PDE1B: variants seen among roughly 807,000 people sequenced by gnomAD.
PDE1B encodes phosphodiesterase 1B.
A neutral mutation model predicts 66.7 loss-of-function variants in PDE1B; 13 were observed. That is an observed-to-expected ratio of 0.19 (90% CI 0.13 to 0.31). PDE1B has a LOEUF of 0.31. Ranked by LOEUF, PDE1B falls within the 10% of genes least tolerant of loss-of-function variation. The probability of loss-of-function intolerance (pLI) is 1.00; values close to 1 mark genes in which losing one functional copy is unlikely to be tolerated. For synonymous variants in PDE1B, 230 were observed against 253.9 expected (o/e 0.91, Z 0.90); for missense variants, 485 against 682.3 (o/e 0.71, Z 3.22).
At chr12:54,565,305 C>T (rs1275114654) in intron 2 of PDE1B, among the ~76,000 whole-genome samples, 1 of 152,166 alleles carries the variant, frequency 6.6e-6, no homozygotes, top group Non-Finnish European at 1.5e-5. Context: ...TTTATGTCAC[C>T]AGATTTGAGG....
chr12:54,573,352 T>C lies in PDE1B; in HGVS notation c.837-3T>C. ...GTGGTCATGATGACCTTTGGCTTTGTAGGTCAGAATGTGCCATCGTGTACA... is the reference window on the plus strand; with the variant it reads ...GTGGTCATGATGACCTTTGGCTTTGCAGGTCAGAATGTGCCATCGTGTACA... On this transcript the variant is annotated splice_polypyrimidine_tract_variant and splice_region_variant and intron_variant, in intron 8 of 15. Transcript: ENST00000243052. The surrounding 1 kb of genome is among the most constrained non-coding windows in gnomAD (Gnocchi z 5.2). 1 of 1,614,146 alleles carries C rather than the reference T, an allele frequency of 6.2e-7. No homozygotes were observed. The highest frequency in any genetic ancestry group is 1.3e-5 in the African/African-American group (1 of 75,014).
At chr12:54,577,089 G>T in intron 14 of PDE1B, 136 bp from the exon 15 acceptor site, 2 of 765,956 alleles carry the variant, frequency 2.6e-6, no homozygotes. Context: ...CTTCCCAAGT[G>T]GGGATGGGTT....
At position 54,578,328 on chromosome 12, in the gene PDE1B, T is replaced by G. The variant is rs1957803557; in HGVS notation, c.*486T>G. On this transcript the variant is annotated 3_prime_UTR_variant, in exon 16 of 16. Transcript: ENST00000243052. ...TTTCCTCCCCTGGGAAGGGCTGGAA[T>G]AGGATAGAAAGCTGGGGGTTTTCAG... 6.6e-6 allele frequency: 1 copy of G among 152,152 alleles called. No homozygotes were observed. The highest frequency in any genetic ancestry group is 1.9e-4 in the East Asian group (1 of 5,184). 9.4% of individuals were successfully genotyped at this position (152,152 alleles called of 1,614,324 possible). A position where few individuals can be genotyped will look rare whatever the true frequency, so the allele number is the denominator to read the frequency against.
At position 54,577,343 on chromosome 12, in the gene PDE1B, C is replaced by G; in HGVS notation, c.*15C>G. 1 of 1,613,652 alleles carries G rather than the reference C, an allele frequency of 6.2e-7. No individual in the cohort carries two copies. The highest frequency in any genetic ancestry group is 8.5e-7 in the Non-Finnish European group (1 of 1,179,824). On this transcript the variant is annotated splice_region_variant and 3_prime_UTR_variant, in exon 15 of 16. Coordinates refer to ENST00000243052, the MANE Select transcript of PDE1B (RefSeq NM_000924.4). The stretch of plus-strand genomic sequence containing the variant: ...ATCTGGATTAGCCCTGGGGCTGGCC[C>G]AGGTGAGCCTGTTGTGGTGGAGGGT...
At position 54,575,873 on chromosome 12, in the gene PDE1B, G is replaced by T; in HGVS notation, c.1268-119G>T. On this transcript the variant is annotated intron_variant, in intron 12 of 15. Transcript: ENST00000243052. The surrounding 1 kb of genome is among the most constrained non-coding windows in gnomAD (Gnocchi z 4.0). ...CTGCATTGGGAAGTTTTCAGCCCCA[G>T]GTTACCTCTCCATCCTCTTTCATAA... The T allele has an allele frequency of 1.2e-6, 1 of 832,440 alleles. No individual in the cohort carries two copies. The highest frequency in any genetic ancestry group is 1.4e-5 in the South Asian group (1 of 69,794). 51.6% of individuals were successfully genotyped at this position (832,440 alleles called of 1,614,324 possible).
At chr12:54,570,888 A>G (rs1407212189) in intron 6 of PDE1B, 1 of 153,392 alleles carries the variant, frequency 6.5e-6, no homozygotes, top group African/African-American at 2.4e-5. Flanking sequence ...GATGGGAAGA[A>G]TTATATGAGA....
chr12:54,576,145 G>A, intron 13 of PDE1B, 45 bp downstream of exon 13: 4 of 1,176,950 alleles, frequency 3.4e-6, no homozygotes, highest in Non-Finnish European at 5.1e-6. Flanking sequence ...CAGGAAGGCA[G>A]TGGTAGGGAG....
At chr12:54,566,819 A>C (rs1033976617) in intron 2 of PDE1B, among the ~76,000 whole-genome samples, 155 bp from the exon 3 acceptor site, 2 of 152,242 alleles carry the variant, frequency 1.3e-5, no homozygotes, top group Non-Finnish European at 2.9e-5. Flanking sequence ...AGATTAAAAA[A>C]GAAACATTAG....
chr12:54,575,420 A>C lies in PDE1B; in HGVS notation c.1186-131A>C. ...TTTGCATATATTTCATTTGCATATT[A>C]CTAATTTCCAGGTCAACAGTGCAGA... is the stretch of plus-strand genomic sequence containing the variant. On this transcript the variant is annotated intron_variant, in intron 11 of 15. Transcript: ENST00000243052. This position sits in a 1 kb window ranked among gnomAD's most constrained non-coding sequence, Gnocchi z 4.0. 2 of 777,588 alleles carry C rather than the reference A, an allele frequency of 2.6e-6. No individual in the cohort carries two copies. Among genetic ancestry groups the C allele is most frequent in the Admixed American group, 1.9e-5 (1 of 52,400 alleles). The allele number at this position is 777,588 out of a possible 1,614,324, so 48.2% of individuals were successfully genotyped here.
At chr12:54,576,503 C>G (rs1957751644) in intron 13 of PDE1B, 68 bp from the exon 14 acceptor site, 1 of 1,595,920 alleles carries the variant, frequency 6.3e-7, no homozygotes, top group East Asian at 2.2e-5. Context: ...CCTGCACTCC[C>G]AGGGCTAAGG....
chr12:54,562,900 A>G (rs1565695693), intron 2 of PDE1B, among the ~76,000 whole-genome samples: 2 of 152,286 alleles, frequency 1.3e-5, no homozygotes, highest in Admixed American at 1.3e-4. Flanking sequence ...TTTCAACAGA[A>G]GCTATACAAG....
chr12:54,561,647 A>G (rs957583007), intron 2 of PDE1B: 4 of 1,529,314 alleles, frequency 2.6e-6, no homozygotes, highest in Non-Finnish European at 3.5e-6. Context: ...GGTAGGTGCC[A>G]GGGATGAGAA....
At chr12:54,563,539 T>A (rs1957459121) in intron 2 of PDE1B, among the ~76,000 whole-genome samples, 1 of 152,194 alleles carries the variant, frequency 6.6e-6, no homozygotes, top group Admixed American at 6.5e-5. Flanking sequence ...CCAGCCTCAA[T>A]CCAAACCAAC....
At chr12:54,555,524 C>T (rs1957332243) in intron 2 of PDE1B, among the ~76,000 whole-genome samples, 1 of 152,156 alleles carries the variant, frequency 6.6e-6, no homozygotes, top group Admixed American at 6.5e-5. Context: ...AAGAAGCCTG[C>T]ACATCTATAT....
At chr12:54,559,242 C>T (rs1957376221) in intron 2 of PDE1B, among the ~76,000 whole-genome samples, 1 of 146,348 alleles carries the variant, frequency 6.8e-6, no homozygotes, top group Non-Finnish European at 1.5e-5. Context: ...CCACCCCCAC[C>T]CCTTTACCCC....
chr12:54,549,779 A>C lies in PDE1B; in HGVS notation c.-14+7A>C. 1.1e-5 allele frequency: 10 copies of C among 934,800 alleles called. No homozygotes were observed. Among genetic ancestry groups the C allele is most frequent in the East Asian group, 2.5e-5 (1 of 40,384 alleles). 57.9% of individuals were successfully genotyped at this position (934,800 alleles called of 1,614,324 possible). On this transcript the variant is annotated splice_region_variant and intron_variant, in intron 1 of 15. Coordinates refer to ENST00000243052, the MANE Select transcript of PDE1B (RefSeq NM_000924.4). ...TGGTCCACGCCAGCCGCAGGTGGGA[A>C]GGGCCTGGGATGGGGGGTGAGGGTC...
intron 2 of PDE1B, chr12:54,550,202 A>C: frequency 1.4e-6 from 2 of 1,398,662 alleles, no homozygotes; most frequent in Admixed American, 5.9e-5. Context: ...TAGGAGTTGC[A>C]AAGGTAACGA....
At chr12:54,550,236 G>C in intron 2 of PDE1B, 1 of 1,355,446 alleles carries the variant, frequency 7.4e-7, no homozygotes. Flanking sequence ...GTGGACCCCA[G>C]GCTGACACAC....
chr12:54,569,073 CAG>C lies in PDE1B; in HGVS notation c.228-106_228-105del. The C allele has an allele frequency of 1.4e-6, 2 of 1,462,420 alleles. No individual in the cohort carries two copies. Among genetic ancestry groups the C allele is most frequent in the Non-Finnish European group, 9.0e-7 (1 of 1,105,288 alleles). The allele number at this position is 1,462,420 out of a possible 1,614,324, so 90.6% of individuals were successfully genotyped here. A position where few individuals can be genotyped will look rare whatever the true frequency, so the allele number is the denominator to read the frequency against. ...GAAAGAAAGGAAACAGGGTTGAAGA[CAG>C]AGAGCTGGCATGAGAGTTACTAAAT... is the stretch of plus-strand genomic sequence containing the variant. On this transcript the variant is annotated intron_variant, in intron 3 of 15. Coordinates refer to ENST00000243052, the MANE Select transcript of PDE1B (RefSeq NM_000924.4). The surrounding 1 kb of genome is among the most constrained non-coding windows in gnomAD (Gnocchi z 4.4).
Sources: gnomAD v4.1 joint callset for allele counts (sites outside exome capture counted in the v4.1 genomes callset) on GRCh38, gnomAD v4.1.1 for gene constraint, Gnocchi (gnomAD v3.1) non-coding constraint, MANE v1.5 for transcripts, NCBI Gene and HGNC (gene_info 2026-07-23, HGNC 2026-07-21) for gene names.